The following TRAF3IP1 variants were observed in gnomAD, a reference collection of about 807,000 sequenced individuals.
The protein encoded by TRAF3IP1 is intraflagellar transport 54.
In TRAF3IP1, 53 loss-of-function variants were observed where a neutral mutation model predicts 89.9. The observed-to-expected ratio is 0.59, with a 90% CI of 0.47 to 0.74. TRAF3IP1 has a LOEUF of 0.74. Among genes scored for constraint, TRAF3IP1 ranks in the 30% least tolerant of loss-of-function variants. The pLI, the probability that TRAF3IP1 is intolerant of heterozygous loss-of-function variation, is 0.00. For synonymous variants in TRAF3IP1, 311 were observed against 322.1 expected, an observed-to-expected ratio of 0.97 and a Z score of 0.37; for missense variants, 806 against 866.1, an observed-to-expected ratio of 0.93 and a Z score of 0.87.
intron 15 of TRAF3IP1, among the ~76,000 whole-genome samples, chr2:238,377,144 GT>G: frequency 1.3e-5 from 2 of 150,776 alleles, no homozygotes. Context: ...CCCTCTTACT[GT>G]TGCATTTCTG....
chr2:238,330,188 A>G (rs917796479), intron 5 of TRAF3IP1, among the ~76,000 whole-genome samples: 1 of 152,230 alleles, frequency 6.6e-6, no homozygotes, highest in African/African-American at 2.4e-5. Context: ...GAGCATGGAC[A>G]TTGCTCAGTT....
chr2:238,391,964 C>T (rs375238017), intron 15 of TRAF3IP1, among the ~76,000 whole-genome samples: 2 of 152,160 alleles, frequency 1.3e-5, no homozygotes, highest in East Asian at 3.8e-4. Flanking sequence ...TGGGAAGTAG[C>T]TTATTTTATT....
chr2:238,344,631 G>A (rs369132864), intron 9 of TRAF3IP1, 33 bp downstream of exon 9: 5 of 1,587,550 alleles, frequency 3.1e-6, no homozygotes, highest in African/African-American at 2.7e-5. Flanking sequence ...CTTTCCTGGC[G>A]AGAGCAGAGT....
chr2:238,351,015 G>A lies in TRAF3IP1; in HGVS notation c.1451+1607G>A, dbSNP rs1699128494. On this transcript the variant is annotated intron_variant, in intron 12 of 16. Transcript: ENST00000373327. This position sits in a 1 kb window ranked among gnomAD's most constrained non-coding sequence, Gnocchi z 5.2. ...GAGGCATTAGGATTGAGAGGCTGAA[G>A]GTGCCGGATGGATAGAAGGATTGTT... Among the ~76,000 whole-genome samples, 1 of 152,176 alleles carries A rather than the reference G, an allele frequency of 6.6e-6. No homozygotes were observed. Among genetic ancestry groups the A allele is most frequent in the Admixed American group, 6.5e-5 (1 of 15,276 alleles).
At chr2:238,337,857 A>G (rs981806796) in intron 7 of TRAF3IP1, among the ~76,000 whole-genome samples, 3 of 152,198 alleles carry the variant, frequency 2.0e-5, no homozygotes, top group Non-Finnish European at 4.4e-5. Flanking sequence ...TGGACCAACC[A>G]AGTAGAAACA....
intron 16 of TRAF3IP1, among the ~76,000 whole-genome samples, chr2:238,398,544 A>G (rs919200206): frequency 5.3e-5 from 8 of 152,164 alleles, no homozygotes; most frequent in African/African-American, 1.4e-4. Flanking sequence ...CAAGATTATC[A>G]TTGAAGAAAT....
Position 238,345,025 on chromosome 2 carries a change from C to T in TRAF3IP1, c.1261+427C>T, listed in dbSNP as rs1237731368. On this transcript the variant is annotated intron_variant, in intron 9 of 16. Transcript: ENST00000373327. This position sits in a 1 kb window ranked among gnomAD's most constrained non-coding sequence, Gnocchi z 4.7. Reference sequence around the variant, plus strand: ...ATACCTCAGTGGGATTTTACTTTCACCATAAATTTTCTCAGCCTTTAAAAA... The same window carrying T: ...ATACCTCAGTGGGATTTTACTTTCATCATAAATTTTCTCAGCCTTTAAAAA... Among the ~76,000 whole-genome samples the T allele has an allele frequency of 6.6e-6, 1 of 152,138 alleles. No homozygotes were observed. Among genetic ancestry groups the T allele is most frequent in the African/African-American group, 2.4e-5 (1 of 41,416 alleles).
In TRAF3IP1 at chr2:238,320,721, C is replaced by A; in HGVS notation, c.59C>A (p.Pro20Gln). Reference sequence around the variant, plus strand: ...GCGCTGGGGAAAGTGATTCGGAGGCCGCCGCTGACCGAGAAGCTGCTGAGC... The same window carrying A: ...GCGCTGGGGAAAGTGATTCGGAGGCAGCCGCTGACCGAGAAGCTGCTGAGC... ...QEALGKVIRR[P>Q]PLTEKLLSKP... The change falls in exon 1 of 17, where the codon CCG (proline) becomes CAG (glutamine). Residue 20 changes from proline to glutamine, a missense_variant. Physicochemically the swap from Pro to Gln is moderately conservative, Grantham distance 76. Around this residue, in one of 3 missense-constraint regions of TRAF3IP1, gnomAD observed 732 missense variants for 780.5 expected, o/e 0.94. Coordinates refer to ENST00000373327, the MANE Select transcript of TRAF3IP1 (RefSeq NM_015650.4). The A allele has an allele frequency of 6.9e-7, 1 of 1,449,246 alleles. No homozygotes were observed. Among genetic ancestry groups the A allele is most frequent in the Non-Finnish European group, 9.2e-7 (1 of 1,089,970 alleles). 89.8% of individuals were successfully genotyped at this position (1,449,246 alleles called of 1,614,324 possible).
chr2:238,342,229 T>A (rs1698694287), intron 8 of TRAF3IP1, among the ~76,000 whole-genome samples: 1 of 152,216 alleles, frequency 6.6e-6, no homozygotes, highest in African/African-American at 2.4e-5. Context: ...GCTCAGGTGA[T>A]CCACCTGTCT....
chr2:238,368,832 A>G (rs1699991138), intron 15 of TRAF3IP1, among the ~76,000 whole-genome samples: 1 of 151,894 alleles, frequency 6.6e-6, no homozygotes, highest in Admixed American at 6.6e-5. Flanking sequence ...CACCATGTCC[A>G]GCTAATTTTT....
intron 15 of TRAF3IP1, among the ~76,000 whole-genome samples, chr2:238,384,378 A>ATG (rs1384108548): frequency 5.8e-5 from 5 of 85,972 alleles, no homozygotes; most frequent in Admixed American, 1.1e-4. Context: ...GTATGTATGT[A>ATG]TGTATATATA....
chr2:238,333,840 T>A (rs1359445259), intron 6 of TRAF3IP1, 120 bp from the exon 7 acceptor site: 1 of 792,628 alleles, frequency 1.3e-6, no homozygotes, highest in African/African-American at 1.8e-5. Flanking sequence ...TTAAAGCATA[T>A]GGGCACTATT....
At chr2:238,387,915 C>T (rs543223987) in intron 15 of TRAF3IP1, among the ~76,000 whole-genome samples, 11 of 151,940 alleles carry the variant, frequency 7.2e-5, no homozygotes, top group Non-Finnish European at 1.3e-4. Context: ...CTTGTTTCTG[C>T]AAAAGTAAAA....
At chr2:238,349,139 G>A (rs1003091257) in intron 11 of TRAF3IP1, among the ~76,000 whole-genome samples, 186 bp from the exon 12 acceptor site, 14 of 152,302 alleles carry the variant, frequency 9.2e-5, no homozygotes, top group African/African-American at 3.1e-4. Flanking sequence ...CAAGTGGAAA[G>A]ATGGACACTT....
chr2:238,355,096 C>G (rs1462943182), intron 14 of TRAF3IP1, among the ~76,000 whole-genome samples: 2 of 152,134 alleles, frequency 1.3e-5, no homozygotes, highest in Admixed American at 6.5e-5. Context: ...AAGTTTATTT[C>G]ATTTTGCATT....
chr2:238,386,202 G>T (rs150636918), intron 15 of TRAF3IP1, among the ~76,000 whole-genome samples: 49 of 152,284 alleles, frequency 3.2e-4, no homozygotes, highest in African/African-American at 1.1e-3. Flanking sequence ...AGGTAAAGCC[G>T]GTCTTAGAGT....
intron 8 of TRAF3IP1, among the ~76,000 whole-genome samples, chr2:238,341,088 A>G (rs1434109763): frequency 6.6e-6 from 1 of 152,030 alleles, no homozygotes; most frequent in African/African-American, 2.4e-5. Flanking sequence ...TGGTATGATC[A>G]TAGCTCACTG....
intron 7 of TRAF3IP1, among the ~76,000 whole-genome samples, chr2:238,337,751 G>A (rs1000057097): frequency 1.3e-5 from 2 of 152,136 alleles, no homozygotes; most frequent in Non-Finnish European, 2.9e-5. Flanking sequence ...CTAGGGGGTG[G>A]CCTTTATTGA....
At chr2:238,355,277 C>T (rs1383346700) in intron 14 of TRAF3IP1, among the ~76,000 whole-genome samples, 2 of 152,128 alleles carry the variant, frequency 1.3e-5, no homozygotes, top group East Asian at 1.9e-4. Context: ...TCTCCTCTAC[C>T]CTCTACTCTC....
Sources: gnomAD v4.1 joint callset for allele counts (sites outside exome capture counted in the v4.1 genomes callset) on GRCh38, gnomAD v4.1.1 for gene constraint, gnomAD v4.1.1 regional missense constraint, Gnocchi (gnomAD v3.1) non-coding constraint, MANE v1.5 for transcripts, NCBI Gene and HGNC (gene_info 2026-07-23, HGNC 2026-07-21) for gene names.